KDM1B: variants seen among roughly 807,000 people sequenced by gnomAD.
KDM1B encodes lysine demethylase 1B.
Under a neutral mutation model 107.4 loss-of-function variants are expected in KDM1B, and 63 were observed. The ratio of observed to expected loss-of-function variants is 0.59; its 90% CI spans 0.48 to 0.72. The LOEUF (loss-of-function observed/expected upper bound fraction) is 0.72, where lower values mean the gene tolerates loss of function less well. Ranked by LOEUF, KDM1B falls within the 30% of genes least tolerant of loss-of-function variation. The pLI is 0.00. For missense variants in KDM1B, 749 were observed against 1,020.8 expected, an observed-to-expected ratio of 0.73 and a Z score of 3.63; for synonymous variants, 363 against 363.9, an observed-to-expected ratio of 1.00 and a Z score of 0.03.
chr6:18,216,323 C>T (rs538201972), intron 20 of KDM1B, among the ~76,000 whole-genome samples: 5 of 152,294 alleles, frequency 3.3e-5, no homozygotes, highest in Admixed American at 6.5e-5. Context: ...TCAAGTGATC[C>T]GCCTACCTCG....
chr6:18,180,210 C>G (rs945581029), intron 7 of KDM1B, among the ~76,000 whole-genome samples: 1 of 151,726 alleles, frequency 6.6e-6, no homozygotes, highest in African/African-American at 2.4e-5. Context: ...TTCCAGGCTG[C>G]GTGGCTGCAC....
chr6:18,181,165 GA>G (rs899957266), intron 7 of KDM1B, among the ~76,000 whole-genome samples: 3 of 152,090 alleles, frequency 2.0e-5, no homozygotes, highest in Non-Finnish European at 4.4e-5. Flanking sequence ...AAAGATAGCA[GA>G]AAAAAATTCA....
chr6:18,156,510 G>A (rs574236679), intron 2 of KDM1B, among the ~76,000 whole-genome samples: 8 of 152,254 alleles, frequency 5.3e-5, no homozygotes, highest in African/African-American at 1.9e-4. Flanking sequence ...AGGCGAGTGG[G>A]AGAGAAGGCT....
In KDM1B at chr6:18,205,662, C is replaced by T; in HGVS notation, c.1657C>T (p.Gln553Ter). 6.6e-7 allele frequency: 1 copy of T among 1,509,036 alleles called. No homozygotes were observed. The highest frequency in any genetic ancestry group is 8.8e-7 in the Non-Finnish European group (1 of 1,130,336). 93.5% of individuals were successfully genotyped at this position (1,509,036 alleles called of 1,614,324 possible). Residue 553 changes from glutamine (Q) to a stop codon, truncating the protein, a stop_gained and splice_region_variant, in exon 15 of 22, where the codon CAG (glutamine) becomes TAG (stop). Transcript: ENST00000650836. LOFTEE classifies it high-confidence loss of function. This position sits in a 1 kb window ranked among gnomAD's most constrained non-coding sequence, Gnocchi z 5.7. The part of the protein sequence containing the change: ...LEYACGSNLH[Q>*]VSARSWDHNE... ...GTACGCCTGTGGCAGCAACCTTCAC[C>T]AGGTGCGCTTGGGTTTTGTGAAAGG...
rs778558910 is a variant in KDM1B, at chr6:18,162,924, G to T, written c.305G>T (p.Ser102Ile). 1.9e-6 allele frequency: 3 copies of T among 1,584,872 alleles called. No homozygotes were observed. The highest frequency in any genetic ancestry group is 2.6e-6 in the Non-Finnish European group (3 of 1,153,296). The change falls in exon 5 of 22, where the codon AGC becomes ATC. Residue 102 changes from serine (S) to isoleucine (I), a missense_variant and splice_region_variant. By Grantham distance (142) the Ser-to-Ile change is moderately radical (BLOSUM62 -2). Transcript: ENST00000650836. This position sits in a 1 kb window ranked among gnomAD's most constrained non-coding sequence, Gnocchi z 4.1. Reference protein sequence around the residue: ...CNECFDHYYRSHKDGYDKYTT... With the variant: ...CNECFDHYYRIHKDGYDKYTT... ...GAATGCTTTGACCATTACTACAGAA[G>T]GTATGTTCACTAATTGTGTGAGGTT...
chr6:18,222,399 GT>G lies in KDM1B; in HGVS notation c.*412del, dbSNP rs1197877569. On this transcript the variant is annotated 3_prime_UTR_variant, in exon 22 of 22. Transcript: ENST00000650836. ...TCATTTAAAAACCAGATAAAGCCAT[GT>G]TTTTCTTCTGTGACAATTTATCAGT... 1 of 301,632 alleles carries G rather than the reference GT, an allele frequency of 3.3e-6. No individual in the cohort carries two copies. Among genetic ancestry groups the G allele is most frequent in the East Asian group, 8.9e-5 (1 of 11,176 alleles). 18.7% of individuals were successfully genotyped at this position (301,632 alleles called of 1,614,324 possible). A position where few individuals can be genotyped will look rare whatever the true frequency, so the allele number is the denominator to read the frequency against.
At chr6:18,184,019 C>T (rs1174357997) in intron 7 of KDM1B, among the ~76,000 whole-genome samples, 7 of 151,850 alleles carry the variant, frequency 4.6e-5, no homozygotes, top group African/African-American at 1.2e-4. Context: ...AAACAGAAGA[C>T]GCACAAATCA....
chr6:18,197,182 A>G lies in KDM1B; in HGVS notation c.1095A>G (p.Gly365=). Residue 365 remains glycine, a synonymous_variant, in exon 11 of 22, where the codon GGA becomes GGG. Transcript: ENST00000650836. This position sits in a 1 kb window ranked among gnomAD's most constrained non-coding sequence, Gnocchi z 4.5. The part of the protein sequence containing the change: ...FMTRKGLINT[G]VLSVGADQYL... ...CCAGAAAAGGTCTCATCAACACTGG[A>G]GTTCTCAGCGTGGGAGCCGACCAGT... is the stretch of plus-strand genomic sequence containing the variant. 2 of 1,614,128 alleles carry G rather than the reference A, an allele frequency of 1.2e-6. No homozygotes were observed. Among genetic ancestry groups the G allele is most frequent in the Non-Finnish European group, 1.7e-6 (2 of 1,180,006 alleles).
In KDM1B at chr6:18,162,324, A is replaced by C. The variant is rs1785024212; in HGVS notation, c.216-511A>C. Among the ~76,000 whole-genome samples, 1 of 152,176 alleles carries C rather than the reference A, an allele frequency of 6.6e-6. No homozygotes were observed. Among genetic ancestry groups the C allele is most frequent in the Admixed American group, 6.6e-5 (1 of 15,262 alleles). ...GTGACAGAGCAAGACTCCATCTCAA[A>C]TAAATAAAAAAATATTAAAAATAAA... On this transcript the variant is annotated intron_variant, in intron 4 of 21. Coordinates refer to ENST00000650836, the MANE Select transcript of KDM1B (RefSeq NM_001364614.2). The surrounding 1 kb of genome is among the most constrained non-coding windows in gnomAD (Gnocchi z 4.1).
At chr6:18,158,221 A>G (rs1370433632) in intron 2 of KDM1B, among the ~76,000 whole-genome samples, 2 of 151,794 alleles carry the variant, frequency 1.3e-5, no homozygotes, top group African/African-American at 4.8e-5. Flanking sequence ...GCATTTCAGA[A>G]TATGTAGGGA....
Position 18,197,947 on chromosome 6 carries a change from A to G in KDM1B, c.1221+286A>G, listed in dbSNP as rs922241648. ...ATTCTTTTTTTTTTTTTTTTTTGAG[A>G]CAGAGTCTTGCTCTGTCGCCCAGGC... On this transcript the variant is annotated intron_variant, in intron 12 of 21. Transcript: ENST00000650836. This position sits in a 1 kb window ranked among gnomAD's most constrained non-coding sequence, Gnocchi z 4.5. Among the ~76,000 whole-genome samples the G allele has an allele frequency of 7.3e-6, 1 of 136,742 alleles. No individual in the cohort carries two copies. The highest frequency in any genetic ancestry group is 3.1e-5 in the African/African-American group (1 of 32,642). The allele number at this position is 136,742 out of a possible 152,430, so 89.7% of individuals were successfully genotyped here.
intron 14 of KDM1B, among the ~76,000 whole-genome samples, chr6:18,202,097 T>C (rs1412160069): frequency 6.6e-6 from 1 of 152,016 alleles, no homozygotes; most frequent in East Asian, 1.9e-4. Flanking sequence ...TGCAAGAGTA[T>C]TACAGTTTAA....
rs1273934590 is a variant in KDM1B, at chr6:18,197,660, AGGTAGGATTTT to A, written c.1221+2_1221+12del. ...AGGCAACTGCATAACTTTGGAATTA[AGGTAGGATTTT>A]GGGGACATGGAGTTAGAACAGATGG... On this transcript the variant is annotated splice_donor_variant and splice_donor_5th_base_variant and coding_sequence_variant and intron_variant, in exon 12 of 22. Coordinates refer to ENST00000650836, the MANE Select transcript of KDM1B (RefSeq NM_001364614.2). LOFTEE classifies it high-confidence loss of function. This position sits in a 1 kb window ranked among gnomAD's most constrained non-coding sequence, Gnocchi z 4.5. The A allele has an allele frequency of 1.9e-6, 3 of 1,613,270 alleles. No homozygotes were observed.
chr6:18,157,551 A>G (rs1363233229), intron 2 of KDM1B, among the ~76,000 whole-genome samples: 3 of 152,086 alleles, frequency 2.0e-5, no homozygotes, highest in Non-Finnish European at 4.4e-5. Context: ...TAAACCACAC[A>G]TTTGACTTCA....
chr6:18,221,190 G>C (rs1490014095), intron 21 of KDM1B, among the ~76,000 whole-genome samples: 1 of 152,014 alleles, frequency 6.6e-6, no homozygotes, highest in Non-Finnish European at 1.5e-5. Context: ...CATCAGTTTA[G>C]GTGACTACAC....
At position 18,172,816 on chromosome 6, in the gene KDM1B, G is replaced by A. The variant is rs553572715; in HGVS notation, c.534+1337G>A. Among the ~76,000 whole-genome samples, 14 of 152,078 alleles carry A rather than the reference G, an allele frequency of 9.2e-5. No homozygotes were observed. Among genetic ancestry groups the A allele is most frequent in the South Asian group, 4.1e-4 (2 of 4,826 alleles). The stretch of plus-strand genomic sequence containing the variant: ...AAAAACATATTAGGAGTGGTTGGGC[G>A]CGGTGGCTCACACCTGTAATCCCAG... On this transcript the variant is annotated intron_variant, in intron 7 of 21. Transcript: ENST00000650836. The surrounding 1 kb of genome is among the most constrained non-coding windows in gnomAD (Gnocchi z 5.2).
rs779587268 is a variant in KDM1B, at chr6:18,159,510, A to T, written c.-13-373A>T. Among the ~76,000 whole-genome samples the T allele has an allele frequency of 9.8e-5, 15 of 152,328 alleles. No homozygotes were observed. Among genetic ancestry groups the T allele is most frequent in the Non-Finnish European group, 1.9e-4 (13 of 68,034 alleles). On this transcript the variant is annotated intron_variant, in intron 2 of 21. Coordinates refer to ENST00000650836, the MANE Select transcript of KDM1B (RefSeq NM_001364614.2). This position sits in a 1 kb window ranked among gnomAD's most constrained non-coding sequence, Gnocchi z 4.5. ...CGATATGCCAGTTTTGGTGCTTTAA[A>T]TAGGTTATCTTGTTTAAACTTCATG...
At chr6:18,175,015 G>A (rs1164700856) in intron 7 of KDM1B, among the ~76,000 whole-genome samples, 3 of 152,184 alleles carry the variant, frequency 2.0e-5, no homozygotes, top group African/African-American at 7.2e-5. Context: ...TAGTGGAATT[G>A]CTGGATCAAA....
rs1430597074 is a variant in KDM1B, at chr6:18,161,314, G to A, written c.88-13G>A. The A allele has an allele frequency of 6.2e-7, 1 of 1,613,278 alleles. No homozygotes were observed. The highest frequency in any genetic ancestry group is 2.2e-5 in the East Asian group (1 of 44,826). ...CATCAGTGAAATTTTAACATCAGCT[G>A]TGACTCCCTTAGGCGAAGAAGAAAG... On this transcript the variant is annotated splice_polypyrimidine_tract_variant and intron_variant, in intron 3 of 21. Coordinates refer to ENST00000650836, the MANE Select transcript of KDM1B (RefSeq NM_001364614.2).
Sources: allele counts gnomAD v4.1 joint callset (sites outside exome capture counted in the v4.1 genomes callset), GRCh38; gene constraint gnomAD v4.1.1; non-coding constraint Gnocchi (gnomAD v3.1); transcripts MANE v1.5; gene names NCBI Gene and HGNC (gene_info 2026-07-23, HGNC 2026-07-21).